Variants in RNF157 observed in about 807,000 individuals in gnomAD.
RNF157 encodes ring finger protein 157.
A neutral mutation model predicts 88.3 loss-of-function variants in RNF157; 55 were observed. The observed-to-expected ratio is 0.62, with a 90% CI of 0.50 to 0.78. The LOEUF (loss-of-function observed/expected upper bound fraction) is 0.78, where lower values mean the gene tolerates loss of function less well. RNF157 is among the 30% of genes least tolerant of loss of function. The pLI is 0.00. For missense variants in RNF157, 788 were observed against 860.8 expected (o/e 0.92, Z 1.06); for synonymous variants, 334 against 341.2 (o/e 0.98, Z 0.23).
chr17:76,228,955 TCACTCACCCACC>T (rs1209314793), intron 1 of RNF157, among the ~76,000 whole-genome samples: 1 of 151,494 alleles, frequency 6.6e-6, no homozygotes, highest in East Asian at 1.9e-4. Flanking sequence ...AAAAAAAAAT[TCACTCACCCACC>T]CACTCACCCA....
chr17:76,150,686 G>A (rs943918360), intron 18 of RNF157, among the ~76,000 whole-genome samples: 1 of 152,194 alleles, frequency 6.6e-6, no homozygotes, highest in African/African-American at 2.4e-5. Flanking sequence ...CCTTTCCATA[G>A]CCCTTGCCAC....
intron 2 of RNF157, among the ~76,000 whole-genome samples, chr17:76,184,469 G>C (rs1020056504): frequency 1.3e-5 from 2 of 152,122 alleles, no homozygotes; most frequent in African/African-American, 4.8e-5. Context: ...TTTTAGACTG[G>C]TGATGGATCA....
At chr17:76,210,340 T>C (rs1161639598) in intron 2 of RNF157, among the ~76,000 whole-genome samples, 1 of 151,662 alleles carries the variant, frequency 6.6e-6, no homozygotes, top group Non-Finnish European at 1.5e-5. Flanking sequence ...ATGCCTGTAA[T>C]CCCAGCACTT....
chr17:76,197,653 T>C (rs2069499786), intron 2 of RNF157, among the ~76,000 whole-genome samples: 1 of 152,172 alleles, frequency 6.6e-6, no homozygotes, highest in Non-Finnish European at 1.5e-5. Flanking sequence ...CACTGCAGCC[T>C]CAAACTTCTG....
chr17:76,179,738 C>T (rs965094011), intron 2 of RNF157, among the ~76,000 whole-genome samples: 1 of 152,158 alleles, frequency 6.6e-6, no homozygotes, highest in Non-Finnish European at 1.5e-5. Context: ...CCAGAGATCT[C>T]ACTCATATGC....
chr17:76,146,756 CTGT>C lies in RNF157; in HGVS notation c.1922-1406_1922-1404del. The C allele has an allele frequency of 1.0e-6, 1 of 985,288 alleles. No homozygotes were observed. The highest frequency in any genetic ancestry group is 1.2e-6 in the Non-Finnish European group (1 of 829,768). The allele number at this position is 985,288 out of a possible 1,614,324, so 61.0% of individuals were successfully genotyped here. On this transcript the variant is annotated intron_variant, in intron 18 of 18. Transcript: ENST00000269391. This position sits in a 1 kb window ranked among gnomAD's most constrained non-coding sequence, Gnocchi z 4.2. ...CTGGGCAGGGGCCGTGACTTCTTCA[CTGT>C]TGCAGTCCAGAGCCCAGCACAACAC... is the stretch of plus-strand genomic sequence containing the variant.
rs1357831507 is a variant in RNF157, at chr17:76,161,813, C to G, written c.952+30G>C. 4 of 1,607,692 alleles carry G rather than the reference C, an allele frequency of 2.5e-6. No individual in the cohort carries two copies. Among genetic ancestry groups the G allele is most frequent in the Non-Finnish European group, 3.4e-6 (4 of 1,175,454 alleles). Reference sequence around the variant, plus strand: ...ATGTCCTCTTGTCCCCTCTCCCACCCACCAGTCCCCCTGCCGCTCTGGGGC... The same window carrying G: ...ATGTCCTCTTGTCCCCTCTCCCACCGACCAGTCCCCCTGCCGCTCTGGGGC... On this transcript the variant is annotated intron_variant, in intron 10 of 18. Coordinates refer to ENST00000269391, the MANE Select transcript of RNF157 (RefSeq NM_052916.3). The surrounding 1 kb of genome is among the most constrained non-coding windows in gnomAD (Gnocchi z 4.6).
chr17:76,152,812 C>T (rs1357659586), intron 17 of RNF157, among the ~76,000 whole-genome samples: 2 of 152,198 alleles, frequency 1.3e-5, no homozygotes, highest in Admixed American at 1.3e-4. Context: ...CCAGCAGAAG[C>T]TAGGGAGCGC....
At chr17:76,154,208 CT>C in intron 17 of RNF157, 74 bp downstream of exon 17, 2 of 1,100,280 alleles carry the variant, frequency 1.8e-6, no homozygotes, top group Non-Finnish European at 2.8e-6. Context: ...TACCGGTACC[CT>C]TTTCTTTACC....
intron 1 of RNF157, among the ~76,000 whole-genome samples, chr17:76,217,882 A>G (rs1397343543): frequency 1.3e-5 from 2 of 152,234 alleles, no homozygotes; most frequent in Admixed American, 6.5e-5. Context: ...CATCATACAC[A>G]TATCTCCAAG....
rs867416601 is a variant in RNF157, at chr17:76,161,391, G to T, written c.1065+144C>A. ...TCCACAGTAATAAGTTGGTTTTAACGCATGCTCTCAGCCGGCTTGCTAAAT... is the reference window on the plus strand; with the variant it reads ...TCCACAGTAATAAGTTGGTTTTAACTCATGCTCTCAGCCGGCTTGCTAAAT... On this transcript the variant is annotated intron_variant, in intron 11 of 18. Transcript: ENST00000269391. This position sits in a 1 kb window ranked among gnomAD's most constrained non-coding sequence, Gnocchi z 4.6. 4.4e-6 allele frequency: 3 copies of T among 677,894 alleles called. No individual in the cohort carries two copies. Among genetic ancestry groups the T allele is most frequent in the Admixed American group, 2.5e-5 (1 of 39,744 alleles). 42.0% of individuals were successfully genotyped at this position (677,894 alleles called of 1,614,324 possible). A position where few individuals can be genotyped will look rare whatever the true frequency, so the allele number is the denominator to read the frequency against.
At chr17:76,185,749 G>A (rs569328939) in intron 2 of RNF157, among the ~76,000 whole-genome samples, 2 of 152,066 alleles carry the variant, frequency 1.3e-5, no homozygotes, top group Non-Finnish European at 2.9e-5. Context: ...GATTACAGGC[G>A]TGAGCCACCG....
chr17:76,229,127 CA>C (rs2070145146), intron 1 of RNF157, among the ~76,000 whole-genome samples: 2 of 152,172 alleles, frequency 1.3e-5, no homozygotes, highest in Non-Finnish European at 2.9e-5. Flanking sequence ...CAGAATTCAA[CA>C]CTCATTTCTG....
At position 76,161,802 on chromosome 17, in the gene RNF157, C is replaced by T. The variant is rs758471629; in HGVS notation, c.952+41G>A. ...GTGTTTTGTAAATGTCCTCTTGTCC[C>T]CTCTCCCACCCACCAGTCCCCCTGC... is the stretch of plus-strand genomic sequence containing the variant. On this transcript the variant is annotated intron_variant, in intron 10 of 18. Transcript: ENST00000269391. This position sits in a 1 kb window ranked among gnomAD's most constrained non-coding sequence, Gnocchi z 4.6. 1 of 1,602,864 alleles carries T rather than the reference C, an allele frequency of 6.2e-7. No homozygotes were observed. The highest frequency in any genetic ancestry group is 8.5e-7 in the Non-Finnish European group (1 of 1,172,374).
At chr17:76,184,253 C>A (rs1329896851) in intron 2 of RNF157, among the ~76,000 whole-genome samples, 1 of 151,134 alleles carries the variant, frequency 6.6e-6, no homozygotes, top group East Asian at 1.9e-4. Context: ...AATATTTATG[C>A]CAGAGAATCA....
At chr17:76,151,724 G>A (rs2068680756) in intron 18 of RNF157, among the ~76,000 whole-genome samples, 2 of 152,158 alleles carry the variant, frequency 1.3e-5, no homozygotes, top group Non-Finnish European at 2.9e-5. Context: ...TCATGAGGAG[G>A]AATAAGGGGC....
chr17:76,189,906 G>A (rs1230392851), intron 2 of RNF157, among the ~76,000 whole-genome samples: 1 of 152,186 alleles, frequency 6.6e-6, no homozygotes, highest in Non-Finnish European at 1.5e-5. Context: ...GGTGGTCATA[G>A]GAACAGCCAG....
chr17:76,196,508 C>T (rs998239014), intron 2 of RNF157, among the ~76,000 whole-genome samples: 4 of 152,122 alleles, frequency 2.6e-5, no homozygotes, highest in Non-Finnish European at 2.9e-5. Context: ...GTATGTTATA[C>T]ATCAATAAAT....
At chr17:76,154,095 G>A in intron 17 of RNF157, 188 bp downstream of exon 17, 4 of 609,098 alleles carry the variant, frequency 6.6e-6, no homozygotes, top group Non-Finnish European at 8.8e-6. Context: ...AAAGAGCTGA[G>A]GAGGTCATAG....
Sources: allele counts gnomAD v4.1 joint callset (sites outside exome capture counted in the v4.1 genomes callset), GRCh38; gene constraint gnomAD v4.1.1; non-coding constraint Gnocchi (gnomAD v3.1); transcripts MANE v1.5; gene names NCBI Gene and HGNC (gene_info 2026-07-23, HGNC 2026-07-21).